Variants in TXNDC8 observed in about 807,000 individuals in gnomAD.
TXNDC8 encodes the protein thioredoxin domain containing 8.
Under a neutral mutation model 12.9 loss-of-function variants are expected in TXNDC8, and 15 were observed. The observed-to-expected ratio is 1.16, with a 90% CI of 0.78 to 1.79. The LOEUF is 1.79. Among genes scored for constraint, TXNDC8 ranks in the 40% most tolerant of loss-of-function variants. The probability of loss-of-function intolerance (pLI) is 0.00; values close to 1 mark genes in which losing one functional copy is unlikely to be tolerated. For synonymous variants in TXNDC8, 40 were observed against 35.4 expected, an observed-to-expected ratio of 1.13 and a Z score of -0.46; for missense variants, 128 against 113.2, an observed-to-expected ratio of 1.13 and a Z score of -0.59.
At chr9:110,318,689 GAT>G (rs1838977984) in intron 3 of TXNDC8, among the ~76,000 whole-genome samples, 1 of 151,906 alleles carries the variant, frequency 6.6e-6, no homozygotes, top group Non-Finnish European at 1.5e-5. Context: ...AGTGAGCTGA[GAT>G]AGTGCCACTG....
intron 3 of TXNDC8, among the ~76,000 whole-genome samples, chr9:110,309,745 C>A (rs887273499): frequency 2.0e-5 from 3 of 152,160 alleles, no homozygotes; most frequent in African/African-American, 7.2e-5. Flanking sequence ...GAAACTGAGG[C>A]ATGTAAGAGG....
intron 2 of TXNDC8, among the ~76,000 whole-genome samples, chr9:110,329,696 A>G (rs72759055): frequency 0.09 from 13,768 of 152,162 alleles, 631 homozygotes; most frequent in Middle Eastern, 0.11. Context: ...GCCAAACTCT[A>G]CCTTCTCTTG....
intron 3 of TXNDC8, among the ~76,000 whole-genome samples, chr9:110,311,553 A>C (rs1237938656): frequency 1.5e-5 from 2 of 130,268 alleles, no homozygotes; most frequent in Non-Finnish European, 3.2e-5. Context: ...ATATATATAT[A>C]TATATCTCCA....
intron 3 of TXNDC8, among the ~76,000 whole-genome samples, chr9:110,310,480 A>C (rs986847308): frequency 6.6e-6 from 1 of 152,200 alleles, no homozygotes; most frequent in South Asian, 2.1e-4. Context: ...GAGTCTATGA[A>C]TCTACAAGAT....
At chr9:110,328,550 T>C (rs1839427216) in intron 2 of TXNDC8, among the ~76,000 whole-genome samples, 1 of 152,270 alleles carries the variant, frequency 6.6e-6, no homozygotes, top group South Asian at 2.1e-4. Flanking sequence ...CTCACGCCTG[T>C]AATCCCAACA....
At chr9:110,330,921 AATAC>A (rs1333416690) in intron 2 of TXNDC8, among the ~76,000 whole-genome samples, 1 of 151,944 alleles carries the variant, frequency 6.6e-6, no homozygotes, top group African/African-American at 2.4e-5. Context: ...TTCTTGTTGT[AATAC>A]ATCCATTAGC....
At chr9:110,306,513 G>C (rs7855326) in intron 3 of TXNDC8, among the ~76,000 whole-genome samples, 78,072 of 151,858 alleles carry the variant, frequency 0.51, 21,029 homozygotes, top group East Asian at 0.7. Context: ...CAAGGTCTCC[G>C]TAATTTTGTC....
intron 3 of TXNDC8, among the ~76,000 whole-genome samples, chr9:110,306,135 G>T (rs1258515615): frequency 6.6e-6 from 1 of 152,264 alleles, no homozygotes; most frequent in East Asian, 1.9e-4. Flanking sequence ...CCAAGGTGCT[G>T]GGATTACAGG....
At chr9:110,315,150 T>G (rs1041051575) in intron 3 of TXNDC8, among the ~76,000 whole-genome samples, 24 of 151,980 alleles carry the variant, frequency 1.6e-4, no homozygotes, top group African/African-American at 5.8e-4. Flanking sequence ...CAGGCTGGAG[T>G]GCAATGGCAT....
chr9:110,334,337 A>C lies in TXNDC8; in HGVS notation c.25-17T>G. 6.3e-7 allele frequency: 1 copy of C among 1,578,480 alleles called. No homozygotes were observed. The highest frequency in any genetic ancestry group is 1.1e-5 in the South Asian group (1 of 90,046). ...AAATTCATTCTGAAAACAGAAAATAAATGAGGAAATGTGCATAATCACTGA... is the reference window on the plus strand; with the variant it reads ...AAATTCATTCTGAAAACAGAAAATACATGAGGAAATGTGCATAATCACTGA... On this transcript the variant is annotated splice_polypyrimidine_tract_variant and intron_variant, in intron 1 of 4. Transcript: ENST00000423740.
chr9:110,321,908 C>T (rs1839111103), intron 3 of TXNDC8, among the ~76,000 whole-genome samples: 1 of 152,112 alleles, frequency 6.6e-6, no homozygotes, highest in Non-Finnish European at 1.5e-5. Context: ...CCTCACTGAC[C>T]CTGACAGTGC....
chr9:110,315,644 C>A (rs1206473012), intron 3 of TXNDC8, among the ~76,000 whole-genome samples: 1 of 151,850 alleles, frequency 6.6e-6, no homozygotes, highest in African/African-American at 2.4e-5. Flanking sequence ...GTAGCTGGGA[C>A]TACAGAATCC....
At chr9:110,311,521 GTATA>G (rs66474968) in intron 3 of TXNDC8, among the ~76,000 whole-genome samples, 564 of 41,242 alleles carry the variant, frequency 0.014, 14 homozygotes, top group African/African-American at 0.027. Context: ...AAATAAAGAG[GTATA>G]TATATATATA....
At chr9:110,319,556 T>A (rs186871238) in intron 3 of TXNDC8, among the ~76,000 whole-genome samples, 1 of 152,224 alleles carries the variant, frequency 6.6e-6, no homozygotes, top group Non-Finnish European at 1.5e-5. Flanking sequence ...ACATTGCCAC[T>A]AATAAGAGGC....
In TXNDC8 at chr9:110,303,525, A is replaced by G. The variant is rs1838315981; in HGVS notation, c.*157T>C. ...TATTTTGCCTTGGAGATCAGCTTACATTAATTCTTGAGTCTTGGCTTCCAA... is the reference window on the plus strand; with the variant it reads ...TATTTTGCCTTGGAGATCAGCTTACGTTAATTCTTGAGTCTTGGCTTCCAA... On this transcript the variant is annotated 3_prime_UTR_variant, in exon 5 of 5. Coordinates refer to ENST00000423740, the MANE Select transcript of TXNDC8 (RefSeq NM_001286946.2). 1 of 1,527,334 alleles carries G rather than the reference A, an allele frequency of 6.5e-7. No homozygotes were observed. The highest frequency in any genetic ancestry group is 2.5e-5 in the East Asian group (1 of 39,900). The allele number at this position is 1,527,334 out of a possible 1,614,324, so 94.6% of individuals were successfully genotyped here.
intron 2 of TXNDC8, 87 bp from the exon 4 acceptor site, chr9:110,326,327 C>T (rs963661341): frequency 2.9e-5 from 40 of 1,394,940 alleles, no homozygotes; most frequent in Non-Finnish European, 3.6e-5. Context: ...TTTTAGGAGG[C>T]GTGTCTGAAA....
chr9:110,303,005 A>C (rs928246717), downstream of TXNDC8, among the ~76,000 whole-genome samples: 2 of 152,248 alleles, frequency 1.3e-5, no homozygotes, highest in Middle Eastern at 3.4e-3. Flanking sequence ...CAGAGGTTTC[A>C]GTGAGCCGAG....
At chr9:110,301,887 T>C (rs930999135), downstream of TXNDC8, among the ~76,000 whole-genome samples, 2 of 152,222 alleles carry the variant, frequency 1.3e-5, no homozygotes, top group South Asian at 4.1e-4. Context: ...GCAGAGTAAG[T>C]GCTCAATGCA....
chr9:110,306,346 T>C (rs1838467492), intron 3 of TXNDC8, among the ~76,000 whole-genome samples: 2 of 152,238 alleles, frequency 1.3e-5, no homozygotes, highest in African/African-American at 4.8e-5. Flanking sequence ...CACCTGACTT[T>C]AGCAATGGCT....
Sources: gnomAD v4.1 joint callset for allele counts (sites outside exome capture counted in the v4.1 genomes callset) on GRCh38, gnomAD v4.1.1 for gene constraint, MANE v1.5 for transcripts, NCBI Gene and HGNC (gene_info 2026-07-23, HGNC 2026-07-21) for gene names.